Variants in MIGA1 observed in about 807,000 individuals in gnomAD.
MIGA1 encodes family with sequence similarity 73, member A.
A neutral mutation model predicts 82.0 loss-of-function variants in MIGA1; 58 were observed. The ratio of observed to expected loss-of-function variants is 0.71; its 90% confidence interval spans 0.57 to 0.88. The LOEUF is 0.88. Among genes scored for constraint, MIGA1 ranks in the 40% least tolerant of loss-of-function variants. MIGA1 has a pLI of 0.00. For synonymous variants in MIGA1, 249 were observed against 253.6 expected (o/e 0.98, Z 0.17); for missense variants, 751 against 749.1 (o/e 1.00, Z -0.03).
chr1:77,801,308 A>G, intron 2 of MIGA1, 23 bp from the exon 3 acceptor site: 1 of 1,518,370 alleles, frequency 6.6e-7, no homozygotes, highest in Non-Finnish European at 8.8e-7. Flanking sequence ...GATTTTTTTC[A>G]ATTTTAACTG....
At chr1:77,851,361 T>TA (rs1238943499) in intron 8 of MIGA1, among the ~76,000 whole-genome samples, 1 of 151,838 alleles carries the variant, frequency 6.6e-6, no homozygotes, top group African/African-American at 2.4e-5. Context: ...TTTCAGCTAG[T>TA]AAAAAAAAGA....
chr1:77,872,636 G>C (rs1646855771), intron 14 of MIGA1, among the ~76,000 whole-genome samples: 1 of 152,146 alleles, frequency 6.6e-6, no homozygotes, highest in Non-Finnish European at 1.5e-5. Flanking sequence ...ATGTGTCTCA[G>C]CACATATGAA....
At chr1:77,854,158 A>C (rs959247676) in intron 8 of MIGA1, among the ~76,000 whole-genome samples, 4 of 152,100 alleles carry the variant, frequency 2.6e-5, no homozygotes, top group Non-Finnish European at 4.4e-5. Flanking sequence ...TCCATTCCTG[A>C]GTTACTTCAC....
intron 7 of MIGA1, among the ~76,000 whole-genome samples, chr1:77,817,507 G>A (rs867824629): frequency 8.5e-5 from 13 of 152,166 alleles, no homozygotes; most frequent in African/African-American, 3.1e-4. Context: ...CTCTGTAGCC[G>A]TCCAGTTCGT....
chr1:77,803,275 A>T lies in MIGA1; in HGVS notation c.379A>T (p.Ser127Cys). 1 of 1,519,280 alleles carries T rather than the reference A, an allele frequency of 6.6e-7. No individual in the cohort carries two copies. The highest frequency in any genetic ancestry group is 8.8e-7 in the Non-Finnish European group (1 of 1,134,122). 94.1% of individuals were successfully genotyped at this position (1,519,280 alleles called of 1,614,324 possible). ...TTAGTATGTTTATTTGATAGGTTCA[A>T]GTTGTTCCAGTAGCAGACAGAATTT... The change falls in exon 4 of 16, where the codon AGT (serine) becomes TGT (cysteine). Residue 127 changes from serine (S) to cysteine (C), a missense_variant. By Grantham distance (112) the Ser-to-Cys change is moderately radical. This residue lies in a region of MIGA1 where 482 missense variants were observed against 439.4 expected (regional missense o/e 1.10). Coordinates refer to ENST00000370791, the MANE Select transcript of MIGA1 (RefSeq NM_198549.4).
chr1:77,844,613 C>T lies in MIGA1; in HGVS notation c.996+1206C>T, dbSNP rs559711318. Among the ~76,000 whole-genome samples, 6 of 152,176 alleles carry T rather than the reference C, an allele frequency of 3.9e-5. No individual in the cohort carries two copies. The South Asian group carries it at 1.2e-3, about 32-fold the overall frequency. On this transcript the variant is annotated intron_variant, in intron 8 of 15. Transcript: ENST00000370791. ...AAATTACGTGTGGCCAATTTTATCT[C>T]AGAATATTTGCATTTTTTACAGTAG...
intron 4 of MIGA1, among the ~76,000 whole-genome samples, chr1:77,804,065 C>A (rs112851919): frequency 0.026 from 4,014 of 152,030 alleles, 56 homozygotes; most frequent in Middle Eastern, 0.078. Flanking sequence ...CCACAAAAAT[C>A]AAAAATTAAA....
chr1:77,781,819 A>C (rs1241062836), intron 1 of MIGA1, among the ~76,000 whole-genome samples: 3 of 152,186 alleles, frequency 2.0e-5, no homozygotes, highest in Admixed American at 6.5e-5. Context: ...ACCCACCCTA[A>C]GAGGTATTGC....
At chr1:77,801,591 G>C (rs1682887446) in intron 3 of MIGA1, 83 bp downstream of exon 3, 1 of 1,166,492 alleles carries the variant, frequency 8.6e-7, no homozygotes, top group Non-Finnish European at 1.2e-6. Flanking sequence ...TTAGTCTCCA[G>C]AATTTTCTTC....
In MIGA1 at chr1:77,843,316, C is replaced by G. The variant is rs1404936777; in HGVS notation, c.905C>G (p.Thr302Arg). ...ACCTTTTACTTTTAAGATAAAGATA[C>G]AGATATCACCATGAAGGGTAATGTG... is the stretch of plus-strand genomic sequence containing the variant. The change falls in exon 8 of 16, where the codon ACA (threonine) becomes AGA (arginine). Residue 302 changes from threonine to arginine, a missense_variant. Around this residue, in one of 3 missense-constraint regions of MIGA1, gnomAD observed 482 missense variants for 439.4 expected, o/e 1.10. Transcript: ENST00000370791. 2 of 1,609,596 alleles carry G rather than the reference C, an allele frequency of 1.2e-6. No homozygotes were observed. The highest frequency in any genetic ancestry group is 1.7e-5 in the Admixed American group (1 of 59,968).
chr1:77,851,964 A>T (rs1685071807), intron 8 of MIGA1, among the ~76,000 whole-genome samples: 1 of 147,742 alleles, frequency 6.8e-6, no homozygotes, highest in Non-Finnish European at 1.5e-5. Flanking sequence ...GCAACCTTGC[A>T]ACCTCTACCT....
chr1:77,783,100 T>C, intron 1 of MIGA1, 138 bp from the exon 2 acceptor site: 1 of 507,368 alleles, frequency 2.0e-6, no homozygotes, highest in Non-Finnish European at 3.2e-6. Context: ...ATAAATATAA[T>C]TTTAGCTCAA....
Position 77,866,322 on chromosome 1 carries a change from C to G in MIGA1, c.1510-16C>G. On this transcript the variant is annotated splice_polypyrimidine_tract_variant and intron_variant, in intron 13 of 15. Coordinates refer to ENST00000370791, the MANE Select transcript of MIGA1 (RefSeq NM_198549.4). The stretch of plus-strand genomic sequence containing the variant: ...ATAGCTATATATAAATCTTTCTTTT[C>G]TCTGCATGTATTTAGGCTGTGGCTT... The G allele has an allele frequency of 1.9e-6, 3 of 1,612,694 alleles. No homozygotes were observed. The highest frequency in any genetic ancestry group is 2.5e-6 in the Non-Finnish European group (3 of 1,178,770).
chr1:77,871,670 G>A (rs964273682), intron 14 of MIGA1, among the ~76,000 whole-genome samples: 1 of 152,118 alleles, frequency 6.6e-6, no homozygotes, highest in Non-Finnish European at 1.5e-5. Context: ...AATTCAAAAA[G>A]TTATAAATAT....
In MIGA1 at chr1:77,811,755, C is replaced by T. The variant is rs1683341593; in HGVS notation, c.638-1979C>T. On this transcript the variant is annotated intron_variant, in intron 5 of 15. Transcript: ENST00000370791. Reference sequence around the variant, plus strand: ...TCCTAAAACTGGCGCCCCAGCGCTGCAGCAGACTCCGGGTCACCTCCGACA... The same window carrying T: ...TCCTAAAACTGGCGCCCCAGCGCTGTAGCAGACTCCGGGTCACCTCCGACA... 8 of 1,605,384 alleles carry T rather than the reference C, an allele frequency of 5.0e-6. No homozygotes were observed. In the South Asian group the frequency reaches 6.6e-5, roughly 13 times the overall value.
rs149766452 is a variant in MIGA1, at chr1:77,865,911, TTTTGTTTGTTTG to T, written c.1510-419_1510-408del. On this transcript the variant is annotated intron_variant, in intron 13 of 15. Transcript: ENST00000370791. The stretch of plus-strand genomic sequence containing the variant: ...TGTGAGGACCCTGACTAGTTTTGTT[TTTTGTTTGTTTG>T]TTTGTTTTGAGACAAAGTCTTGCTC... Among the ~76,000 whole-genome samples the T allele has an allele frequency of 2.0e-5, 3 of 152,064 alleles. No homozygotes were observed. The South Asian group carries it at 6.2e-4, about 31-fold the overall frequency.
chr1:77,872,880 C>G, intron 14 of MIGA1, 124 bp from the exon 15 acceptor site: 1 of 1,294,818 alleles, frequency 7.7e-7, no homozygotes, highest in Non-Finnish European at 1.1e-6. Flanking sequence ...GACTCTGGTT[C>G]TAAAAAACAA....
intron 7 of MIGA1, among the ~76,000 whole-genome samples, chr1:77,840,867 A>T (rs894563551): frequency 6.6e-6 from 1 of 152,198 alleles, no homozygotes; most frequent in Non-Finnish European, 1.5e-5. Context: ...TAATGCCATG[A>T]CATAATGAAA....
At chr1:77,822,811 G>A (rs375100825) in intron 7 of MIGA1, among the ~76,000 whole-genome samples, 10 of 150,846 alleles carry the variant, frequency 6.6e-5, no homozygotes, top group Admixed American at 2.0e-4. Context: ...GATTATAGGC[G>A]GACTGTTTAA....
Sources: gnomAD v4.1 joint callset for allele counts (sites outside exome capture counted in the v4.1 genomes callset) on GRCh38, gnomAD v4.1.1 for gene constraint, gnomAD v4.1.1 regional missense constraint, MANE v1.5 for transcripts, NCBI Gene and HGNC (gene_info 2026-07-23, HGNC 2026-07-21) for gene names.